Variants in PRKCB observed in about 807,000 individuals in gnomAD.
PRKCB encodes protein kinase C beta type.
Under a neutral mutation model 81.5 loss-of-function variants are expected in PRKCB, and 13 were observed. The ratio of observed to expected loss-of-function variants is 0.16; its 90% CI spans 0.10 to 0.25. The LOEUF is 0.25. PRKCB is among the 10% of genes least tolerant of loss of function. The pLI is 1.00. For missense variants in PRKCB, 509 were observed against 875.7 expected (o/e 0.58, Z 5.29); for synonymous variants, 335 against 321.4 (o/e 1.04, Z -0.45).
chr16:24,017,314 GAA>G (rs1307162553), intron 3 of PRKCB, among the ~76,000 whole-genome samples: 8 of 152,146 alleles, frequency 5.3e-5, no homozygotes, highest in African/African-American at 1.9e-4. Context: ...ATTAAGAGTA[GAA>G]ATAAAGGTCT....
At chr16:23,836,416 C>G in intron 1 of PRKCB, 68 bp downstream of exon 1, 2 of 1,506,888 alleles carry the variant, frequency 1.3e-6, no homozygotes, top group Non-Finnish European at 1.8e-6. Context: ...GACCCCCTCT[C>G]CGCGCCCTCT....
At chr16:23,895,704 C>T (rs376107604) in intron 2 of PRKCB, among the ~76,000 whole-genome samples, 1 of 152,116 alleles carries the variant, frequency 6.6e-6, no homozygotes, top group East Asian at 1.9e-4. Flanking sequence ...TTTAGATTCT[C>T]CTAAAAGCTT....
At chr16:24,178,355 G>T (rs1250189459) in intron 12 of PRKCB, among the ~76,000 whole-genome samples, 1 of 152,172 alleles carries the variant, frequency 6.6e-6, no homozygotes, top group East Asian at 1.9e-4. Context: ...AAAAGATTAG[G>T]GTGTGATATC....
intron 5 of PRKCB, among the ~76,000 whole-genome samples, chr16:24,039,731 A>T (rs1352126482): frequency 6.6e-6 from 1 of 152,220 alleles, no homozygotes; most frequent in Non-Finnish European, 1.5e-5. Flanking sequence ...GCCATCATAC[A>T]CAGCACCCAG....
chr16:24,002,497 G>A (rs141424696), intron 3 of PRKCB, among the ~76,000 whole-genome samples: 11 of 151,970 alleles, frequency 7.2e-5, no homozygotes, highest in African/African-American at 2.7e-4. Context: ...CCACCACCAC[G>A]CCTAGCTAAT....
intron 2 of PRKCB, among the ~76,000 whole-genome samples, chr16:23,907,663 G>A (rs1963580923): frequency 1.3e-5 from 2 of 152,238 alleles, no homozygotes; most frequent in Admixed American, 6.5e-5. Flanking sequence ...GAGGCAGGAA[G>A]GGAGGTGCCT....
At chr16:24,158,666 A>T (rs1490097595) in intron 10 of PRKCB, among the ~76,000 whole-genome samples, 3 of 151,398 alleles carry the variant, frequency 2.0e-5, no homozygotes, top group African/African-American at 7.3e-5. Context: ...GTATAAGTAT[A>T]TGTATTTTTA....
intron 5 of PRKCB, among the ~76,000 whole-genome samples, chr16:24,073,676 C>CT (rs1178670188): frequency 6.6e-6 from 1 of 152,164 alleles, no homozygotes; most frequent in Non-Finnish European, 1.5e-5. Context: ...TATTCATCCC[C>CT]TAGCCCCTAA....
At chr16:24,027,038 C>T (rs1202231167) in intron 3 of PRKCB, among the ~76,000 whole-genome samples, 3 of 152,016 alleles carry the variant, frequency 2.0e-5, no homozygotes, top group African/African-American at 7.3e-5. Flanking sequence ...CTGGGGTACA[C>T]GTGCAGAATG....
chr16:23,878,364 C>T (rs1221314657), intron 2 of PRKCB, among the ~76,000 whole-genome samples: 1 of 152,160 alleles, frequency 6.6e-6, no homozygotes, highest in Non-Finnish European at 1.5e-5. Flanking sequence ...TCACTGCCAA[C>T]AGCACTCCAA....
At chr16:24,027,837 A>G (rs1048719425) in intron 3 of PRKCB, among the ~76,000 whole-genome samples, 1 of 152,074 alleles carries the variant, frequency 6.6e-6, no homozygotes, top group Non-Finnish European at 1.5e-5. Flanking sequence ...TGGCGTGATC[A>G]TAGCTCACTG....
At position 23,980,527 on chromosome 16, in the gene PRKCB, G is replaced by A. The variant is rs115552917; in HGVS notation, c.206-7981G>A. Among the ~76,000 whole-genome samples, 847 of 152,310 alleles carry A rather than the reference G, an allele frequency of 5.6e-3. 10 individuals carry two copies. Among genetic ancestry groups the A allele is most frequent in the African/African-American group, 0.02 (825 of 41,556 alleles). On this transcript the variant is annotated intron_variant, in intron 2 of 16. Transcript: ENST00000643927. Reference sequence around the variant, plus strand: ...CTGTGATAAAATAAGGCTCAGAGAGGTGGAGACACTGAGCTAATGTCCTTC... The same window carrying A: ...CTGTGATAAAATAAGGCTCAGAGAGATGGAGACACTGAGCTAATGTCCTTC...
At position 24,220,143 on chromosome 16, in the gene PRKCB, G is replaced by A; in HGVS notation, c.*5327G>A. 1 of 1,612,476 alleles carries A rather than the reference G, an allele frequency of 6.2e-7. No homozygotes were observed. The highest frequency in any genetic ancestry group is 8.5e-7 in the Non-Finnish European group (1 of 1,179,038). ...ATGCAAACTCCATCGTTGAGCCTGG[G>A]GTGTAAGACTTCAAGCCAAGCGTAT... On this transcript the variant is annotated 3_prime_UTR_variant, in exon 17 of 17. Transcript: ENST00000643927.
At chr16:23,973,629 C>T (rs2141805117) in intron 2 of PRKCB, among the ~76,000 whole-genome samples, 1 of 152,236 alleles carries the variant, frequency 6.6e-6, no homozygotes, top group East Asian at 1.9e-4. Context: ...CATGTTAAAC[C>T]TAGATTGGCA....
chr16:24,160,011 T>C (rs1967228741), intron 10 of PRKCB, among the ~76,000 whole-genome samples: 1 of 151,790 alleles, frequency 6.6e-6, no homozygotes, highest in Non-Finnish European at 1.5e-5. Context: ...TAAAATAAAA[T>C]ATAAAATATT....
intron 16 of PRKCB, among the ~76,000 whole-genome samples, chr16:24,201,045 C>T (rs936801041): frequency 6.6e-6 from 1 of 152,136 alleles, no homozygotes; most frequent in African/African-American, 2.4e-5. Context: ...TTCTTACCAC[C>T]TACCGGCACC....
intron 3 of PRKCB, among the ~76,000 whole-genome samples, chr16:24,025,013 C>T (rs1022729927): frequency 8.5e-5 from 13 of 152,190 alleles, no homozygotes; most frequent in African/African-American, 2.7e-4. Flanking sequence ...GAGTTGGTGC[C>T]TACAAGTATG....
At chr16:23,959,650 C>T (rs182301526) in intron 2 of PRKCB, among the ~76,000 whole-genome samples, 1 of 152,292 alleles carries the variant, frequency 6.6e-6, no homozygotes, top group East Asian at 1.9e-4. Context: ...GGAGTCTCCT[C>T]GGTTTGGTAC....
chr16:23,839,567 C>A (rs1325697434), intron 2 of PRKCB, among the ~76,000 whole-genome samples: 1 of 152,106 alleles, frequency 6.6e-6, no homozygotes, highest in Admixed American at 6.6e-5. Context: ...GCCACTATGC[C>A]CCTCTGGAGT....
Sources: gnomAD v4.1 joint callset for allele counts (sites outside exome capture counted in the v4.1 genomes callset) on GRCh38, gnomAD v4.1.1 for gene constraint, MANE v1.5 for transcripts, NCBI Gene and HGNC (gene_info 2026-07-23, HGNC 2026-07-21) for gene names.